KCNH6: variants seen among roughly 807,000 people sequenced by gnomAD.
KCNH6 encodes the protein voltage-gated inwardly rectifying potassium channel KCNH6.
KCNH6 carries 81 observed loss-of-function variants against 83.4 expected under a neutral mutation model. The ratio of observed to expected loss-of-function variants is 0.97; its 90% CI spans 0.81 to 1.17. The LOEUF (loss-of-function observed/expected upper bound fraction) is 1.17, where lower values mean the gene tolerates loss of function less well. Ranked by LOEUF, KCNH6 falls within the 50% of genes most tolerant of loss-of-function variation. The pLI, the probability that KCNH6 is intolerant of heterozygous loss-of-function variation, is 0.00. For missense variants in KCNH6, 1,203 were observed against 1,290.5 expected (o/e 0.93, Z 1.04); for synonymous variants, 503 against 545.6 (o/e 0.92, Z 1.09).
At position 63,538,458 on chromosome 17, in the gene KCNH6, C is replaced by G. The variant is rs762850038; in HGVS notation, c.1750C>G (p.Leu584Val). 10 of 1,604,518 alleles carry G rather than the reference C, an allele frequency of 6.2e-6. No individual in the cohort carries two copies. The highest frequency in any genetic ancestry group is 5.1e-5 in the Admixed American group (3 of 59,012). The change falls in exon 8 of 13, where the codon CTG (leucine) becomes GTG (valine). Residue 584 changes from leucine (L) to valine (V), a missense_variant. Physicochemically the swap from Leu to Val is conservative, Grantham distance 32. Transcript: ENST00000314672. The surrounding 1 kb of genome is among the most constrained non-coding windows in gnomAD (Gnocchi z 4.0). ...CCTGCAGGCTGACATCTGCCTGCAC[C>G]TGCACCGCGCACTGCTGCAGCACTG... is the stretch of plus-strand genomic sequence containing the variant. ...ECLQADICLH[L>V]HRALLQHCPA... is the part of the protein sequence containing the mutation.
At position 63,534,384 on chromosome 17, in the gene KCNH6, C is replaced by T. The variant is rs1292410587; in HGVS notation, c.1101+73C>T. 1.4e-6 allele frequency: 2 copies of T among 1,424,982 alleles called. No individual in the cohort carries two copies. Among genetic ancestry groups the T allele is most frequent in the African/African-American group, 1.4e-5 (1 of 70,706 alleles). The allele number at this position is 1,424,982 out of a possible 1,614,324, so 88.3% of individuals were successfully genotyped here. On this transcript the variant is annotated intron_variant, in intron 5 of 12. Transcript: ENST00000314672. The surrounding 1 kb of genome is among the most constrained non-coding windows in gnomAD (Gnocchi z 5.0). ...CTGGCCTCAAGCCCTCCCTGCTGCA[C>T]AGCACTGGGTGCGGAGAGTATCTGG...
In KCNH6 at chr17:63,524,165, C is replaced by G. The variant is rs1239611533; in HGVS notation, c.103C>G (p.Gln35Glu). ...TCGGAAGTTCCTGATTGCCAATGCTCAGATGGAGAACTGCGCCATCATTTA... is the reference window on the plus strand; with the variant it reads ...TCGGAAGTTCCTGATTGCCAATGCTGAGATGGAGAACTGCGCCATCATTTA... ...QSRKFLIANA[Q>E]MENCAIIYCN... is the part of the protein sequence containing the mutation. Residue 35 changes from glutamine (Q) to glutamate (E), a missense_variant, in exon 2 of 13, where the codon CAG becomes GAG. Coordinates refer to ENST00000314672, the MANE Select transcript of KCNH6 (RefSeq NM_001278919.2). The G allele has an allele frequency of 8.1e-6, 13 of 1,614,014 alleles. No homozygotes were observed. Among genetic ancestry groups the G allele is most frequent in the Non-Finnish European group, 1.1e-5 (13 of 1,179,970 alleles).
At chr17:63,548,966 TA>T (rs1024501116), downstream of KCNH6, 1 of 150,824 alleles carries the variant, frequency 6.6e-6, no homozygotes, top group Non-Finnish European at 1.5e-5. Flanking sequence ...ATCTCAAAAA[TA>T]AAATAAAATT....
intron 6 of KCNH6, among the ~76,000 whole-genome samples, chr17:63,537,198 G>A (rs2032557689): frequency 6.6e-6 from 1 of 152,090 alleles, no homozygotes; most frequent in Non-Finnish European, 1.5e-5. Flanking sequence ...GGAAATGTCC[G>A]AGTGACTCAA....
At chr17:63,525,850 A>G (rs1429108676) in intron 2 of KCNH6, among the ~76,000 whole-genome samples, 1 of 152,184 alleles carries the variant, frequency 6.6e-6, no homozygotes, top group African/African-American at 2.4e-5. Flanking sequence ...ATCATTGCAG[A>G]GGAGAGGTGG....
At position 63,533,989 on chromosome 17, in the gene KCNH6, A is replaced by G; in HGVS notation, c.779A>G (p.Asp260Gly). The G allele has an allele frequency of 6.2e-7, 1 of 1,613,914 alleles. No individual in the cohort carries two copies. The highest frequency in any genetic ancestry group is 8.5e-7 in the Non-Finnish European group (1 of 1,179,980). The change falls in exon 5 of 13, where the codon GAC becomes GGC. Residue 260 changes from aspartate (D) to glycine (G), a missense_variant. Asp to Gly is a moderately conservative substitution (Grantham distance 94). Transcript: ENST00000314672. This position sits in a 1 kb window ranked among gnomAD's most constrained non-coding sequence, Gnocchi z 4.1. ...LHYSPFKAVW[D>G]WLILLLVIYT... ...TACAGCCCCTTCAAGGCCGTGTGGG[A>G]CTGGCTCATCCTGCTGCTGGTCATC...
intron 10 of KCNH6, 104 bp downstream of exon 10, chr17:63,543,764 A>AC: frequency 1.4e-6 from 1 of 731,924 alleles, no homozygotes. Flanking sequence ...ACCCCACTCC[A>AC]TGAGTGGAGA....
intron 8 of KCNH6, among the ~76,000 whole-genome samples, chr17:63,541,118 G>A (rs557709255): frequency 6.6e-6 from 1 of 152,204 alleles, no homozygotes; most frequent in Admixed American, 6.5e-5. Context: ...GATTTGGGAG[G>A]GTCCTTGTGG....
intron 9 of KCNH6, among the ~76,000 whole-genome samples, chr17:63,543,225 G>C (rs1469895470): frequency 6.6e-6 from 1 of 152,152 alleles, no homozygotes; most frequent in Non-Finnish European, 1.5e-5. Context: ...ATAGAGCTGG[G>C]TGGGCTTTCT....
Position 63,538,189 on chromosome 17 carries a change from C to G in KCNH6, c.1626C>G (p.Pro542=). The G allele has an allele frequency of 6.2e-7, 1 of 1,614,196 alleles. No individual in the cohort carries two copies. The highest frequency in any genetic ancestry group is 1.3e-5 in the African/African-American group (1 of 75,074). The stretch of plus-strand genomic sequence containing the variant: ...AGTTCATCCGCTTCCACCAGATCCC[C>G]AACCCACTGCGCCAGCGCCTGGAGG... ...VKEFIRFHQI[P]NPLRQRLEEY... Residue 542 remains proline (P), a synonymous_variant, in exon 7 of 13, where the codon CCC becomes CCG. Transcript: ENST00000314672. This position sits in a 1 kb window ranked among gnomAD's most constrained non-coding sequence, Gnocchi z 4.0.
chr17:63,539,785 A>G (rs1056953694), intron 8 of KCNH6, among the ~76,000 whole-genome samples: 2 of 152,090 alleles, frequency 1.3e-5, no homozygotes, highest in Non-Finnish European at 1.5e-5. Context: ...CTCCTTTCCC[A>G]TGGCCCTGCG....
intron 2 of KCNH6, among the ~76,000 whole-genome samples, chr17:63,529,657 C>T (rs1420917745): frequency 6.6e-6 from 1 of 152,214 alleles, no homozygotes; most frequent in African/African-American, 2.4e-5. Flanking sequence ...TTCCTCCCTG[C>T]ATCACAGGAG....
intron 2 of KCNH6, among the ~76,000 whole-genome samples, chr17:63,527,368 G>A (rs2031785909): frequency 6.6e-6 from 1 of 152,250 alleles, no homozygotes; most frequent in Admixed American, 6.5e-5. Context: ...ACTCACCACA[G>A]TGCTGGATGG....
chr17:63,529,683 G>C (rs895678920), intron 2 of KCNH6, among the ~76,000 whole-genome samples: 1 of 152,210 alleles, frequency 6.6e-6, no homozygotes, highest in Non-Finnish European at 1.5e-5. Flanking sequence ...CATCTTTGCA[G>C]GATGGGAATA....
Position 63,534,311 on chromosome 17 carries a change from G to T in KCNH6, c.1101G>T (p.Glu367Asp), listed in dbSNP as rs1417714893. ...DLLIFRTGSDETTTLIGLLKT... is the reference protein window; with the variant it reads ...DLLIFRTGSDDTTTLIGLLKT... Reference sequence around the variant, plus strand: ...TGATCTTCCGCACTGGCTCCGATGAGGTGAGCAGACCCCCTCCAGGCCAGC... The same window carrying T: ...TGATCTTCCGCACTGGCTCCGATGATGTGAGCAGACCCCCTCCAGGCCAGC... The change falls in exon 5 of 13, where the codon GAG (glutamate) becomes GAT (aspartate). Residue 367 changes from glutamate (E) to aspartate (D), a missense_variant and splice_region_variant. By Grantham distance (45) the Glu-to-Asp change is conservative. Transcript: ENST00000314672. The surrounding 1 kb of genome is among the most constrained non-coding windows in gnomAD (Gnocchi z 5.0). 14 of 1,607,626 alleles carry T rather than the reference G, an allele frequency of 8.7e-6. No individual in the cohort carries two copies. The highest frequency in any genetic ancestry group is 6.7e-5 in the Admixed American group (4 of 59,720).
In KCNH6 at chr17:63,545,122, T is replaced by A. The variant is rs888407037; in HGVS notation, c.2441T>A (p.Leu814His). The A allele has an allele frequency of 1.9e-6, 3 of 1,613,596 alleles. No individual in the cohort carries two copies. In the African/African-American group the frequency reaches 4.0e-5, roughly 22 times the overall value. Residue 814 changes from leucine (L) to histidine (H), a missense_variant, in exon 12 of 13, where the codon CTC becomes CAC. By Grantham distance (99) the Leu-to-His change is moderately conservative (BLOSUM62 -3). Transcript: ENST00000314672. ...TCAGACCTCAGCCGCATCTTGCAGC[T>A]CCTCCAGAAGCCCATGCCCCAGGGC... ...VSSDLSRILQ[L>H]LQKPMPQGHA...
downstream of KCNH6, among the ~76,000 whole-genome samples, chr17:63,547,254 AG>A (rs1357712504): frequency 6.6e-6 from 1 of 152,168 alleles, no homozygotes; most frequent in Non-Finnish European, 1.5e-5. Flanking sequence ...AAAAGAGGCC[AG>A]GTGTAGTGGC....
downstream of KCNH6, among the ~76,000 whole-genome samples, chr17:63,547,348 C>T (rs909168656): frequency 2.4e-4 from 5 of 20,760 alleles, no homozygotes; most frequent in South Asian, 5.3e-3. Flanking sequence ...TACAGTAAGC[C>T]GTGATTGCAT....
Position 63,534,043 on chromosome 17 carries a change from C to A in KCNH6, c.833C>A (p.Ala278Asp). 6.2e-7 allele frequency: 1 copy of A among 1,614,190 alleles called. No homozygotes were observed. Among genetic ancestry groups the A allele is most frequent in the Non-Finnish European group, 8.5e-7 (1 of 1,180,014 alleles). Residue 278 changes from alanine (A) to aspartate (D), a missense_variant, in exon 5 of 13, where the codon GCC becomes GAC. Physicochemically the swap from Ala to Asp is moderately radical, Grantham distance 126 (BLOSUM62 -2). Coordinates refer to ENST00000314672, the MANE Select transcript of KCNH6 (RefSeq NM_001278919.2). The surrounding 1 kb of genome is among the most constrained non-coding windows in gnomAD (Gnocchi z 5.0). Reference protein sequence around the residue: ...IYTAVFTPYSAAFLLSDQDES... With the variant: ...IYTAVFTPYSDAFLLSDQDES... ...ACGGCTGTCTTCACGCCCTACTCAG[C>A]CGCCTTCCTGCTCAGCGATCAGGAC...
Sources: gnomAD v4.1 joint callset for allele counts (sites outside exome capture counted in the v4.1 genomes callset) on GRCh38, gnomAD v4.1.1 for gene constraint, Gnocchi (gnomAD v3.1) non-coding constraint, MANE v1.5 for transcripts, NCBI Gene and HGNC (gene_info 2026-07-23, HGNC 2026-07-21) for gene names.